The following EXOC4 variants were observed in gnomAD, a reference collection of about 807,000 sequenced individuals.
EXOC4 encodes exocyst complex component 4, also known as SEC8-like 1.
Under a neutral mutation model 107.2 loss-of-function variants are expected in EXOC4, and 71 were observed. That is an observed-to-expected ratio of 0.66 (90% CI 0.55 to 0.81). The LOEUF (loss-of-function observed/expected upper bound fraction) is 0.81, where lower values mean the gene tolerates loss of function less well. Ranked by LOEUF, EXOC4 falls within the 30% of genes least tolerant of loss-of-function variation. EXOC4 has a pLI of 0.00. For synonymous variants in EXOC4, 456 were observed against 441.2 expected (o/e 1.03, Z -0.42); for missense variants, 1,108 against 1,189.6 (o/e 0.93, Z 1.01).
intron 7 of EXOC4, among the ~76,000 whole-genome samples, chr7:133,399,824 G>A (rs1350367990): frequency 1.3e-5 from 2 of 152,212 alleles, no homozygotes; most frequent in Non-Finnish European, 2.9e-5. Context: ...TGTGTCCCAA[G>A]CAGGGAAGAT....
chr7:133,541,393 G>C (rs1471504978), intron 9 of EXOC4, among the ~76,000 whole-genome samples: 2 of 152,216 alleles, frequency 1.3e-5, no homozygotes, highest in South Asian at 2.1e-4. Context: ...AAACACTTGG[G>C]AATAACGATG....
intron 17 of EXOC4, among the ~76,000 whole-genome samples, chr7:134,018,323 C>T (rs370853386): frequency 6.6e-6 from 1 of 152,146 alleles, no homozygotes; most frequent in African/African-American, 2.4e-5. Flanking sequence ...AGGAAACTGG[C>T]ACAATCGCTG....
chr7:133,961,528 T>C (rs937466456), intron 14 of EXOC4, among the ~76,000 whole-genome samples: 1 of 152,106 alleles, frequency 6.6e-6, no homozygotes, highest in Non-Finnish European at 1.5e-5. Context: ...CCTCAGGTGA[T>C]CCACCGCCTG....
intron 9 of EXOC4, among the ~76,000 whole-genome samples, chr7:133,499,060 A>G (rs1013546564): frequency 1.3e-5 from 2 of 150,232 alleles, no homozygotes; most frequent in African/African-American, 4.9e-5. Flanking sequence ...TACCGGTAGT[A>G]TGTCTTCTTC....
At chr7:133,548,491 T>A (rs556453241) in intron 9 of EXOC4, among the ~76,000 whole-genome samples, 1 of 152,262 alleles carries the variant, frequency 6.6e-6, no homozygotes, top group African/African-American at 2.4e-5. Flanking sequence ...CTTCTTCCAA[T>A]AGAAGGCTGT....
chr7:133,848,428 A>G (rs1798177526), intron 11 of EXOC4, among the ~76,000 whole-genome samples: 1 of 152,220 alleles, frequency 6.6e-6, no homozygotes, highest in Non-Finnish European at 1.5e-5. Context: ...AAGGGACATC[A>G]TATTATGACT....
chr7:133,338,365 G>A (rs75884652), intron 5 of EXOC4, among the ~76,000 whole-genome samples: 45,449 of 149,584 alleles, frequency 0.3, 7,899 homozygotes, highest in African/African-American at 0.48. Flanking sequence ...AGGCCGAGGC[G>A]GGTGGATCAT....
At chr7:133,378,834 T>G (rs1796551442) in intron 7 of EXOC4, among the ~76,000 whole-genome samples, 1 of 151,770 alleles carries the variant, frequency 6.6e-6, no homozygotes, top group Non-Finnish European at 1.5e-5. Context: ...ATAGGATGAA[T>G]AGAACCCAAA....
intron 7 of EXOC4, among the ~76,000 whole-genome samples, chr7:133,440,353 C>T (rs1798076401): frequency 6.6e-6 from 1 of 151,682 alleles, no homozygotes; most frequent in East Asian, 1.9e-4. Flanking sequence ...TTTATCTCCA[C>T]CCCCACCCCC....
intron 14 of EXOC4, among the ~76,000 whole-genome samples, chr7:133,948,534 A>G (rs1800608079): frequency 6.6e-6 from 1 of 152,214 alleles, no homozygotes; most frequent in South Asian, 2.1e-4. Flanking sequence ...TCAATAGTGC[A>G]TAAAGACTTT....
intron 10 of EXOC4, among the ~76,000 whole-genome samples, chr7:133,731,973 T>C (rs1339068689): frequency 2.0e-5 from 3 of 152,170 alleles, no homozygotes; most frequent in Non-Finnish European, 4.4e-5. Context: ...ATCATTCTGT[T>C]ATAAAGATGC....
intron 14 of EXOC4, among the ~76,000 whole-genome samples, chr7:133,989,243 G>C (rs1794189999): frequency 6.6e-6 from 1 of 152,184 alleles, no homozygotes; most frequent in African/African-American, 2.4e-5. Flanking sequence ...GAGAATTCAG[G>C]ATAGAGAACA....
intron 9 of EXOC4, among the ~76,000 whole-genome samples, chr7:133,602,873 C>T (rs1202297105): frequency 1.3e-5 from 2 of 152,148 alleles, no homozygotes; most frequent in Non-Finnish European, 2.9e-5. Context: ...GGAAAATGAA[C>T]TCCATTCTTA....
intron 17 of EXOC4, among the ~76,000 whole-genome samples, chr7:134,057,023 G>T (rs140773800): frequency 6.6e-6 from 1 of 152,148 alleles, no homozygotes; most frequent in African/African-American, 2.4e-5. Context: ...AACTTTCAGC[G>T]TCTCCCCAGG....
chr7:133,368,111 A>T (rs940934637), intron 6 of EXOC4, among the ~76,000 whole-genome samples: 1 of 152,216 alleles, frequency 6.6e-6, no homozygotes, highest in Non-Finnish European at 1.5e-5. Context: ...CATGTGTTGT[A>T]GGAGAGATGT....
intron 7 of EXOC4, among the ~76,000 whole-genome samples, chr7:133,376,571 C>A (rs952548604): frequency 6.6e-6 from 1 of 152,082 alleles, no homozygotes; most frequent in East Asian, 1.9e-4. Flanking sequence ...CCTGCATCTT[C>A]CTCGTGAATA....
intron 9 of EXOC4, among the ~76,000 whole-genome samples, chr7:133,620,821 T>C (rs1802311921): frequency 6.6e-6 from 1 of 152,218 alleles, no homozygotes; most frequent in Admixed American, 6.5e-5. Context: ...GGAGAATCAG[T>C]TAAAGAGTGG....
At chr7:133,755,360 G>T (rs1398710664) in intron 10 of EXOC4, among the ~76,000 whole-genome samples, 7 of 94,156 alleles carry the variant, frequency 7.4e-5, no homozygotes, top group Admixed American at 4.4e-4. Context: ...TTTTTTTGGC[G>T]GGGGGACAGA....
intron 9 of EXOC4, among the ~76,000 whole-genome samples, chr7:133,491,436 G>A (rs2150875009): frequency 6.6e-6 from 1 of 152,240 alleles, no homozygotes; most frequent in African/African-American, 2.4e-5. Flanking sequence ...GCTCTGTTTG[G>A]GCTTTGAGTA....
Sources: gnomAD v4.1 joint callset for allele counts (sites outside exome capture counted in the v4.1 genomes callset) on GRCh38, gnomAD v4.1.1 for gene constraint, MANE v1.5 for transcripts, NCBI Gene and HGNC (gene_info 2026-07-23, HGNC 2026-07-21) for gene names.